TRABD2B: variants seen among roughly 807,000 people sequenced by gnomAD.
The protein encoded by TRABD2B is TraB domain containing 2B.
A neutral mutation model predicts 40.1 loss-of-function variants in TRABD2B; 14 were observed. That is an observed-to-expected ratio of 0.35 (90% CI 0.23 to 0.55). The LOEUF is 0.55. Among genes scored for constraint, TRABD2B ranks in the 20% least tolerant of loss-of-function variants. The pLI is 0.90. For synonymous variants in TRABD2B, 263 were observed against 277.0 expected (o/e 0.95, Z 0.50); for missense variants, 541 against 648.6 (o/e 0.83, Z 1.80).
At chr1:47,803,473 G>A (rs1045169853) in intron 2 of TRABD2B, among the ~76,000 whole-genome samples, 6 of 152,114 alleles carry the variant, frequency 3.9e-5, no homozygotes, top group African/African-American at 1.4e-4. Context: ...GCCGTCCAGC[G>A]AAGGCCATCC....
chr1:47,961,326 C>A (rs1368639449), intron 2 of TRABD2B, among the ~76,000 whole-genome samples: 3 of 152,132 alleles, frequency 2.0e-5, no homozygotes, highest in African/African-American at 4.8e-5. Context: ...ACTAAAACAC[C>A]AAAAGCAATG....
intron 2 of TRABD2B, among the ~76,000 whole-genome samples, chr1:47,913,697 C>G (rs373745772): frequency 6.6e-6 from 1 of 152,206 alleles, no homozygotes; most frequent in African/African-American, 2.4e-5. Context: ...CCCTTCCTTT[C>G]CTACCTCATC....
chr1:47,778,594 C>T, intron 4 of TRABD2B, 50 bp from the exon 5 acceptor site: 10 of 1,374,780 alleles, frequency 7.3e-6, no homozygotes, highest in Non-Finnish European at 1.0e-5. Flanking sequence ...GGCCACCGGC[C>T]ACAGGGGACT....
chr1:47,849,273 G>A (rs1645514267), intron 2 of TRABD2B, among the ~76,000 whole-genome samples: 1 of 152,206 alleles, frequency 6.6e-6, no homozygotes, highest in South Asian at 2.1e-4. Flanking sequence ...AAAAGAGGTG[G>A]ATTGGGAAAC....
intron 2 of TRABD2B, among the ~76,000 whole-genome samples, chr1:47,970,396 A>G (rs1645664328): frequency 6.6e-6 from 1 of 152,090 alleles, no homozygotes; most frequent in Non-Finnish European, 1.5e-5. Context: ...ACAACTTTCA[A>G]TGCCTCCCAC....
intron 2 of TRABD2B, among the ~76,000 whole-genome samples, chr1:47,872,831 A>G (rs1274167437): frequency 6.6e-6 from 1 of 152,092 alleles, no homozygotes; most frequent in African/African-American, 2.4e-5. Context: ...CATGGCTGCT[A>G]CCTGTGGGGC....
chr1:47,912,280 AC>A (rs763031853), intron 2 of TRABD2B, among the ~76,000 whole-genome samples: 12 of 152,230 alleles, frequency 7.9e-5, no homozygotes, highest in Non-Finnish European at 1.5e-4. Flanking sequence ...TTCTTTTTCT[AC>A]CACAAGATGT....
chr1:47,976,854 T>C (rs921998115), intron 2 of TRABD2B, among the ~76,000 whole-genome samples: 3 of 152,096 alleles, frequency 2.0e-5, no homozygotes, highest in African/African-American at 4.8e-5. Flanking sequence ...TTTAAGAGAA[T>C]TGTAGATTCA....
At chr1:47,969,927 C>T (rs1645657007) in intron 2 of TRABD2B, among the ~76,000 whole-genome samples, 3 of 152,250 alleles carry the variant, frequency 2.0e-5, no homozygotes, top group African/African-American at 7.2e-5. Flanking sequence ...TTCACCTCCC[C>T]CACCGCTCCT....
chr1:47,772,700 C>T (rs1018500049), intron 6 of TRABD2B, among the ~76,000 whole-genome samples: 3 of 152,140 alleles, frequency 2.0e-5, no homozygotes, highest in African/African-American at 7.2e-5. Context: ...AGAGAGCTCT[C>T]ATCTGCTTCT....
chr1:47,942,687 G>A (rs1297363357), intron 2 of TRABD2B, among the ~76,000 whole-genome samples: 1 of 152,178 alleles, frequency 6.6e-6, no homozygotes, highest in Non-Finnish European at 1.5e-5. Context: ...CCAGGTTCCA[G>A]GCAGGCATTA....
At chr1:47,791,549 G>A (rs376142567) in intron 4 of TRABD2B, among the ~76,000 whole-genome samples, 10 of 152,222 alleles carry the variant, frequency 6.6e-5, no homozygotes, top group East Asian at 1.9e-4. Context: ...AATGGGCTGC[G>A]AGAGCCCACT....
At chr1:47,772,836 A>G (rs768115259) in intron 6 of TRABD2B, among the ~76,000 whole-genome samples, 8 of 152,118 alleles carry the variant, frequency 5.3e-5, no homozygotes, top group Non-Finnish European at 7.4e-5. Context: ...AGCGGCAAGA[A>G]ATTTCAACAA....
At position 47,903,282 on chromosome 1, in the gene TRABD2B, G is replaced by A. The variant is rs554631798; in HGVS notation, c.666+90752C>T. The stretch of plus-strand genomic sequence containing the variant: ...CACCTGCAACTTCTGCACACCCTAC[G>A]TCAGGGGGCTTCTGACACCCCTCTG... On this transcript the variant is annotated intron_variant, in intron 2 of 6. Transcript: ENST00000606738. Among the ~76,000 whole-genome samples, 9 of 152,180 alleles carry A rather than the reference G, an allele frequency of 5.9e-5. No individual in the cohort carries two copies. In the South Asian group the frequency reaches 6.2e-4, roughly 11 times the overall value.
At position 47,921,826 on chromosome 1, in the gene TRABD2B, T is replaced by C. The variant is rs865952056; in HGVS notation, c.666+72208A>G. Among the ~76,000 whole-genome samples the C allele has an allele frequency of 5.3e-5, 8 of 152,282 alleles. No individual in the cohort carries two copies. In the East Asian group the frequency reaches 1.2e-3, roughly 22 times the overall value. ...ATAAAGGACCCTGAATCCAAATACA[T>C]AGTAGTCACTGAATAAGTGACTGTA... is the stretch of plus-strand genomic sequence containing the variant. On this transcript the variant is annotated intron_variant, in intron 2 of 6. Coordinates refer to ENST00000606738, the MANE Select transcript of TRABD2B (RefSeq NM_001194986.2).
At chr1:47,768,429 G>T (rs114987485) in intron 6 of TRABD2B, among the ~76,000 whole-genome samples, 355 of 152,100 alleles carry the variant, frequency 2.3e-3, no homozygotes, top group African/African-American at 8.3e-3. Context: ...TGGCCTGACT[G>T]CCCTCCCCTT....
At chr1:47,789,859 CCT>C (rs764261661) in intron 4 of TRABD2B, among the ~76,000 whole-genome samples, 1 of 151,902 alleles carries the variant, frequency 6.6e-6, no homozygotes, top group Non-Finnish European at 1.5e-5. Flanking sequence ...ATTTTTCCCC[CCT>C]CTCTCCTGTA....
At position 47,996,964 on chromosome 1, in the gene TRABD2B, G is replaced by C. The variant is rs1646102508; in HGVS notation, c.-175C>G. 5.4e-6 allele frequency: 6 copies of C among 1,109,556 alleles called. No homozygotes were observed. The highest frequency in any genetic ancestry group is 5.5e-6 in the Non-Finnish European group (5 of 911,006). The allele number at this position is 1,109,556 out of a possible 1,614,324, so 68.7% of individuals were successfully genotyped here. A position where few individuals can be genotyped will look rare whatever the true frequency, so the allele number is the denominator to read the frequency against. The stretch of plus-strand genomic sequence containing the variant: ...CTGTCGGACCTGGGGGTTTCTCTGG[G>C]GCCGGGCTCCGTCTGTTGGAAGAGG... On this transcript the variant is annotated 5_prime_UTR_variant, in exon 1 of 7. Transcript: ENST00000606738. This position sits in a 1 kb window ranked among gnomAD's most constrained non-coding sequence, Gnocchi z 4.6.
chr1:47,920,146 C>G (rs547237020), intron 2 of TRABD2B, among the ~76,000 whole-genome samples: 1 of 152,122 alleles, frequency 6.6e-6, no homozygotes, highest in African/African-American at 2.4e-5. Context: ...TCCTGAGGAT[C>G]GAGTGGTGGA....
Sources: gnomAD v4.1 joint callset for allele counts (sites outside exome capture counted in the v4.1 genomes callset) on GRCh38, gnomAD v4.1.1 for gene constraint, Gnocchi (gnomAD v3.1) non-coding constraint, MANE v1.5 for transcripts, NCBI Gene and HGNC (gene_info 2026-07-23, HGNC 2026-07-21) for gene names.